TRAPPC8: variants seen among roughly 807,000 people sequenced by gnomAD.
The protein encoded by TRAPPC8 is trafficking protein particle complex subunit 8.
In TRAPPC8, 54 loss-of-function variants were observed where a neutral mutation model predicts 174.3. The ratio of observed to expected loss-of-function variants is 0.31; its 90% CI spans 0.25 to 0.39. The LOEUF (loss-of-function observed/expected upper bound fraction) is 0.39, where lower values mean the gene tolerates loss of function less well. Ranked by LOEUF, TRAPPC8 falls within the 10% of genes least tolerant of loss-of-function variation. TRAPPC8 has a pLI of 1.00. For missense variants in TRAPPC8, 1,531 were observed against 1,699.1 expected (o/e 0.90, Z 1.74); for synonymous variants, 630 against 579.9 (o/e 1.09, Z -1.24).
chr18:31,880,088 A>ATATATAT (rs1555668900), intron 12 of TRAPPC8, among the ~76,000 whole-genome samples: 1 of 61,468 alleles, frequency 1.6e-5, no homozygotes, highest in Admixed American at 1.2e-4. Flanking sequence ...ATTGAAAAAA[A>ATATATAT]AAATATATAT....
At chr18:31,933,284 G>C (rs4539674) in intron 1 of TRAPPC8, among the ~76,000 whole-genome samples, 32,481 of 140,950 alleles carry the variant, frequency 0.23, 4,449 homozygotes, top group South Asian at 0.52. Flanking sequence ...CTGGGCAACA[G>C]AGCGAGACTC....
At chr18:31,934,680 C>T (rs779986944) in intron 1 of TRAPPC8, among the ~76,000 whole-genome samples, 61 of 152,038 alleles carry the variant, frequency 4.0e-4, no homozygotes, top group Non-Finnish European at 7.9e-4. Flanking sequence ...CCAGCCTGGC[C>T]AACGTGGTGA....
At chr18:31,837,483 A>G (rs2032819496) in intron 27 of TRAPPC8, among the ~76,000 whole-genome samples, 1 of 152,196 alleles carries the variant, frequency 6.6e-6, no homozygotes, top group Admixed American at 6.5e-5. Flanking sequence ...GCCTGAGCCC[A>G]GGAATTCAAG....
At chr18:31,935,953 G>A (rs990137972) in intron 1 of TRAPPC8, among the ~76,000 whole-genome samples, 27 of 151,262 alleles carry the variant, frequency 1.8e-4, no homozygotes, top group Admixed American at 1.2e-3. Flanking sequence ...TGGCCACGCC[G>A]GTCTCAAACT....
intron 9 of TRAPPC8, among the ~76,000 whole-genome samples, chr18:31,901,449 A>G (rs552387054): frequency 1.3e-5 from 2 of 152,286 alleles, no homozygotes; most frequent in South Asian, 2.1e-4. Context: ...TCTTTATTGT[A>G]TTTATATTAT....
intron 16 of TRAPPC8, among the ~76,000 whole-genome samples, chr18:31,869,230 G>A (rs1396484313): frequency 2.6e-5 from 4 of 151,218 alleles, no homozygotes; most frequent in South Asian, 2.1e-4. Context: ...TATTAGACAC[G>A]GAAATGAAAA....
intron 1 of TRAPPC8, chr18:31,939,290 A>T (rs2038232509): frequency 6.6e-6 from 1 of 152,160 alleles, no homozygotes; most frequent in African/African-American, 2.4e-5. Flanking sequence ...ATCTACTTAT[A>T]TCTATCCTTA....
intron 16 of TRAPPC8, among the ~76,000 whole-genome samples, chr18:31,869,412 A>G (rs1230087495): frequency 6.6e-6 from 1 of 152,258 alleles, no homozygotes; most frequent in Non-Finnish European, 1.5e-5. Context: ...CATAAAGATT[A>G]GACACCCAAA....
intron 19 of TRAPPC8, among the ~76,000 whole-genome samples, chr18:31,860,777 T>C (rs1284449196): frequency 6.6e-6 from 1 of 152,206 alleles, no homozygotes; most frequent in Non-Finnish European, 1.5e-5. Context: ...AAGAAAATAC[T>C]GAGTGATGTT....
chr18:31,891,153 C>G (rs1168403517), intron 11 of TRAPPC8: 1 of 167,394 alleles, frequency 6.0e-6, no homozygotes, highest in Non-Finnish European at 1.3e-5. Flanking sequence ...TAATTGCAAT[C>G]CTTTCTCAAA....
chr18:31,881,656 T>A (rs1041852407), intron 12 of TRAPPC8, among the ~76,000 whole-genome samples: 1 of 151,926 alleles, frequency 6.6e-6, no homozygotes, highest in African/African-American at 2.4e-5. Context: ...GGTACCTAAT[T>A]AAACCAAAAA....
At chr18:31,923,073 T>C (rs1040279618) in intron 2 of TRAPPC8, among the ~76,000 whole-genome samples, 39 of 152,114 alleles carry the variant, frequency 2.6e-4, no homozygotes, top group African/African-American at 9.4e-4. Context: ...TAAGGAAGGG[T>C]AATATGGTCT....
At chr18:31,879,244 A>C (rs1179806180) in intron 12 of TRAPPC8, among the ~76,000 whole-genome samples, 1 of 152,178 alleles carries the variant, frequency 6.6e-6, no homozygotes, top group Non-Finnish European at 1.5e-5. Flanking sequence ...AAGTCTCAAA[A>C]AATTTTAAAA....
At chr18:31,906,837 A>G (rs2036681794) in intron 9 of TRAPPC8, among the ~76,000 whole-genome samples, 1 of 152,194 alleles carries the variant, frequency 6.6e-6, no homozygotes, top group Non-Finnish European at 1.5e-5. Flanking sequence ...CTATACCATT[A>G]GGATTCGCAT....
chr18:31,867,332 G>A (rs1377865041), intron 17 of TRAPPC8, 70 bp downstream of exon 17: 12 of 1,075,682 alleles, frequency 1.1e-5, no homozygotes, highest in Non-Finnish European at 1.7e-5. Context: ...ACTGAATAAA[G>A]ATTATTTAAA....
At chr18:31,936,219 G>A (rs945579847) in intron 1 of TRAPPC8, among the ~76,000 whole-genome samples, 6 of 152,040 alleles carry the variant, frequency 3.9e-5, no homozygotes, top group Admixed American at 1.3e-4. Flanking sequence ...GGCACTTTGG[G>A]AGGCCGAGGC....
At chr18:31,851,775 A>G (rs2033717380) in intron 24 of TRAPPC8, among the ~76,000 whole-genome samples, 1 of 152,162 alleles carries the variant, frequency 6.6e-6, no homozygotes, top group Admixed American at 6.5e-5. Flanking sequence ...AGAATATGAT[A>G]TGATATGATA....
intron 24 of TRAPPC8, among the ~76,000 whole-genome samples, 158 bp from the exon 25 acceptor site, chr18:31,849,897 T>C (rs2033618410): frequency 6.6e-6 from 1 of 152,166 alleles, no homozygotes; most frequent in South Asian, 2.1e-4. Flanking sequence ...CTTGTCAATG[T>C]AGTTGAATAC....
At chr18:31,918,292 C>G (rs2037235234) in intron 2 of TRAPPC8, among the ~76,000 whole-genome samples, 1 of 152,044 alleles carries the variant, frequency 6.6e-6, no homozygotes, top group African/African-American at 2.4e-5. Flanking sequence ...ACCTACTTAC[C>G]TATTAATGCT....
Sources: gnomAD v4.1 joint callset for allele counts (sites outside exome capture counted in the v4.1 genomes callset) on GRCh38, gnomAD v4.1.1 for gene constraint, MANE v1.5 for transcripts, NCBI Gene and HGNC (gene_info 2026-07-23, HGNC 2026-07-21) for gene names.